Variants in COL5A2 observed in about 807,000 individuals in gnomAD.
COL5A2 encodes the protein collagen type V alpha 2 chain, also known as collagen alpha-2(V) chain.
In COL5A2, 23 loss-of-function variants were observed where a neutral mutation model predicts 208.2. The ratio of observed to expected loss-of-function variants is 0.11; its 90% CI spans 0.08 to 0.16. The LOEUF (loss-of-function observed/expected upper bound fraction) is 0.16. Among genes scored for constraint, COL5A2 ranks in the 10% least tolerant of loss-of-function variants. The pLI, the probability that COL5A2 is intolerant of heterozygous loss-of-function variation, is 1.00. For missense variants in COL5A2, 1,590 were observed against 1,956.4 expected, an observed-to-expected ratio of 0.81 and a Z score of 3.53; for synonymous variants, 625 against 628.5, an observed-to-expected ratio of 0.99 and a Z score of 0.08.
the COL5A2 span, among the ~76,000 whole-genome samples, chr2:189,252,212 C>G: frequency 6.6e-6 from 1 of 152,144 alleles, no homozygotes; most frequent in African/African-American, 2.4e-5. Context: ...GGTGATTCCT[C>G]AAGGATCTAG....
chr2:189,092,543 G>T, intron 6 of COL5A2, 123 bp from the exon 7 acceptor site: 1 of 716,586 alleles, frequency 1.4e-6, no homozygotes. Flanking sequence ...TGGCAATCTA[G>T]CCACTTAGAG....
chr2:189,246,624 T>C, the COL5A2 span, among the ~76,000 whole-genome samples: 1,212 of 152,310 alleles, frequency 8.0e-3, 4 homozygotes, highest in Non-Finnish European at 0.01. Flanking sequence ...AGAAAAGAAA[T>C]TGAACTCTGT....
chr2:189,293,915 C>T, the COL5A2 span, among the ~76,000 whole-genome samples: 1 of 152,114 alleles, frequency 6.6e-6, no homozygotes, highest in Non-Finnish European at 1.5e-5. Context: ...GAAACCCCAT[C>T]TCTACTAAAC....
chr2:189,157,181 A>AT (rs1688271194), intron 1 of COL5A2, among the ~76,000 whole-genome samples: 1 of 97,380 alleles, frequency 1.0e-5, no homozygotes, highest in Non-Finnish European at 1.9e-5. Flanking sequence ...ATCTATATAT[A>AT]TAGCTTAGCA....
At chr2:189,358,234 A>G in the COL5A2 span, among the ~76,000 whole-genome samples, 140 of 151,642 alleles carry the variant, frequency 9.2e-4, no homozygotes, top group Non-Finnish European at 1.7e-3. Flanking sequence ...CCTACTGCTC[A>G]GAAAAAAAAA....
intron 4 of COL5A2, among the ~76,000 whole-genome samples, chr2:189,099,510 A>C (rs1351821169): frequency 6.6e-6 from 1 of 152,250 alleles, no homozygotes; most frequent in South Asian, 2.1e-4. Context: ...CTGTAGTCCC[A>C]GCTGCTCGGG....
intron 35 of COL5A2, among the ~76,000 whole-genome samples, chr2:189,054,959 C>G (rs1027408190): frequency 1.3e-5 from 2 of 151,898 alleles, no homozygotes; most frequent in Admixed American, 1.3e-4. Context: ...TCTCGGCTCA[C>G]TGCAAGCTCC....
intron 16 of COL5A2, among the ~76,000 whole-genome samples, chr2:189,077,308 C>T (rs150551006): frequency 3.9e-5 from 6 of 152,166 alleles, no homozygotes; most frequent in East Asian, 1.9e-4. Context: ...ACCTAAACAT[C>T]GGGTAGAGGC....
chr2:189,420,005 A>G, the COL5A2 span, among the ~76,000 whole-genome samples: 2 of 135,876 alleles, frequency 1.5e-5, no homozygotes, highest in Non-Finnish European at 3.1e-5. Context: ...AGGAGAGAGG[A>G]GGAGGAGGAG....
the COL5A2 span, among the ~76,000 whole-genome samples, chr2:189,244,671 T>A: frequency 6.6e-6 from 1 of 152,232 alleles, no homozygotes; most frequent in East Asian, 1.9e-4. Flanking sequence ...GTTCCAAACT[T>A]TTCCACATTT....
the COL5A2 span, among the ~76,000 whole-genome samples, chr2:189,334,544 C>A: frequency 6.6e-6 from 1 of 151,816 alleles, no homozygotes; most frequent in African/African-American, 2.4e-5. Flanking sequence ...ATTTCAAGAT[C>A]TTTATTAAAA....
At chr2:189,093,849 C>G (rs1686842898) in intron 6 of COL5A2, among the ~76,000 whole-genome samples, 1 of 152,134 alleles carries the variant, frequency 6.6e-6, no homozygotes, top group African/African-American at 2.4e-5. Context: ...ATGTATATGA[C>G]AGCACAGACA....
At chr2:189,370,314 GAAC>G in the COL5A2 span, among the ~76,000 whole-genome samples, 6 of 152,126 alleles carry the variant, frequency 3.9e-5, no homozygotes, top group Admixed American at 2.6e-4. Flanking sequence ...CTCATCTGCA[GAAC>G]AACAATAAAA....
the COL5A2 span, among the ~76,000 whole-genome samples, chr2:189,410,114 C>T: frequency 6.6e-6 from 1 of 151,984 alleles, no homozygotes; most frequent in Non-Finnish European, 1.5e-5. Flanking sequence ...GAATCATTTC[C>T]ACCAGTGATA....
chr2:189,348,271 G>A, the COL5A2 span, among the ~76,000 whole-genome samples: 1 of 152,096 alleles, frequency 6.6e-6, no homozygotes, highest in East Asian at 1.9e-4. Flanking sequence ...TATCACCAGT[G>A]TAAAGTGGTC....
At chr2:189,098,628 G>T in intron 5 of COL5A2, 99 bp downstream of exon 5, 1 of 978,716 alleles carries the variant, frequency 1.0e-6, no homozygotes, top group South Asian at 1.3e-5. Context: ...AAGTATCATT[G>T]TTTAATTCTT....
intron 1 of COL5A2, among the ~76,000 whole-genome samples, chr2:189,165,080 T>G (rs559035129): frequency 6.6e-6 from 1 of 152,316 alleles, no homozygotes; most frequent in African/African-American, 2.4e-5. Flanking sequence ...TTTCCACTTT[T>G]CTCAAACAAC....
chr2:189,124,616 A>T (rs900989055), intron 1 of COL5A2, among the ~76,000 whole-genome samples: 2 of 152,150 alleles, frequency 1.3e-5, no homozygotes, highest in African/African-American at 4.8e-5. Flanking sequence ...TATAAAATGC[A>T]ATTTAAAGAA....
the COL5A2 span, among the ~76,000 whole-genome samples, chr2:189,355,696 G>C: frequency 6.6e-6 from 1 of 152,250 alleles, no homozygotes; most frequent in South Asian, 2.1e-4. Context: ...TGGGTCTCCT[G>C]AATATAGCAC....
Sources: gnomAD v4.1 joint callset for allele counts (sites outside exome capture counted in the v4.1 genomes callset) on GRCh38, gnomAD v4.1.1 for gene constraint, MANE v1.5 for transcripts, NCBI Gene and HGNC (gene_info 2026-07-23, HGNC 2026-07-21) for gene names.